HYCC2: variants seen among roughly 807,000 people sequenced by gnomAD.
The protein encoded by HYCC2 is hyccin PI4KA lipid kinase complex subunit 2.
chr2:201,003,370 C>T, the HYCC2 span, among the ~76,000 whole-genome samples: 4 of 152,104 alleles, frequency 2.6e-5, no homozygotes, highest in African/African-American at 9.7e-5. Flanking sequence ...CTTTAAAAAG[C>T]TGGGCTGGGA....
At chr2:201,052,441 CA>C in the HYCC2 span, among the ~76,000 whole-genome samples, 2 of 151,672 alleles carry the variant, frequency 1.3e-5, no homozygotes, top group African/African-American at 4.8e-5. Context: ...CTCGTCTCTG[CA>C]AAAAAAATTT....
chr2:201,043,318 G>T, the HYCC2 span, among the ~76,000 whole-genome samples: 1 of 151,380 alleles, frequency 6.6e-6, no homozygotes, highest in Non-Finnish European at 1.5e-5. Flanking sequence ...CTCTGCCTAG[G>T]AAAACCAGAG....
At chr2:200,997,590 C>T in the HYCC2 span, 1 of 1,173,650 alleles carries the variant, frequency 8.5e-7, no homozygotes, top group African/African-American at 1.5e-5. Context: ...ATTACTTCTA[C>T]TAGCAACTGG....
the HYCC2 span, among the ~76,000 whole-genome samples, chr2:201,012,439 G>A: frequency 1.3e-5 from 2 of 152,094 alleles, no homozygotes; most frequent in Non-Finnish European, 2.9e-5. Flanking sequence ...CAGCATGGGT[G>A]ACAGAGTGAC....
At chr2:201,038,274 AAC>A in the HYCC2 span, among the ~76,000 whole-genome samples, 1 of 152,164 alleles carries the variant, frequency 6.6e-6, no homozygotes, top group East Asian at 1.9e-4. Context: ...GAGAAATAGG[AAC>A]ACTTTTACAC....
the HYCC2 span, chr2:200,974,720 A>G: frequency 6.6e-6 from 1 of 152,014 alleles, no homozygotes; most frequent in Non-Finnish European, 1.5e-5. Context: ...TGGAACATCA[A>G]TATGCAAATA....
chr2:200,996,971 A>G, the HYCC2 span: 7,203 of 152,502 alleles, frequency 0.047, 548 homozygotes, highest in African/African-American at 0.16. Flanking sequence ...AACATTTTCA[A>G]GAATGCACGA....
At chr2:201,052,021 G>A in the HYCC2 span, among the ~76,000 whole-genome samples, 1 of 152,352 alleles carries the variant, frequency 6.6e-6, no homozygotes, top group African/African-American at 2.4e-5. Flanking sequence ...AAGAGGGCCC[G>A]ATGTGGTGGC....
chr2:201,039,833 C>A, the HYCC2 span, among the ~76,000 whole-genome samples: 2 of 152,090 alleles, frequency 1.3e-5, no homozygotes, highest in Admixed American at 1.3e-4. Context: ...ACAAGTCACA[C>A]CTCAATTTCT....
the HYCC2 span, among the ~76,000 whole-genome samples, chr2:200,998,965 A>G: frequency 6.6e-6 from 1 of 152,222 alleles, no homozygotes; most frequent in Non-Finnish European, 1.5e-5. Flanking sequence ...AGGTAAAAGA[A>G]TGGAGATTTA....
chr2:201,061,657 AAAATTTTT>A, the HYCC2 span, among the ~76,000 whole-genome samples: 1 of 151,498 alleles, frequency 6.6e-6, no homozygotes, highest in Non-Finnish European at 1.5e-5. Context: ...ATTGAATAAG[AAAATTTTT>A]AAATTTTTAA....
chr2:200,993,960 ACT>A, the HYCC2 span, among the ~76,000 whole-genome samples: 3 of 151,928 alleles, frequency 2.0e-5, no homozygotes, highest in Non-Finnish European at 2.9e-5. Flanking sequence ...ACAGAGTGAG[ACT>A]CTGTCTCAAA....
chr2:201,005,652 C>CCCT, the HYCC2 span, among the ~76,000 whole-genome samples: 1 of 152,046 alleles, frequency 6.6e-6, no homozygotes, highest in Admixed American at 6.6e-5. Context: ...TATAAATATA[C>CCCT]CCTACATCCT....
chr2:201,016,892 C>T, the HYCC2 span: 114 of 1,237,318 alleles, frequency 9.2e-5, no homozygotes, highest in African/African-American at 2.6e-4. Context: ...TGAGCCACTG[C>T]GCCTGGCCAA....
At chr2:201,013,479 CAAAAAA>C in the HYCC2 span, among the ~76,000 whole-genome samples, 1 of 66,320 alleles carries the variant, frequency 1.5e-5, no homozygotes, top group African/African-American at 4.9e-5. Flanking sequence ...CACTCCATTT[CAAAAAA>C]AAAAAAAAAA....
the HYCC2 span, among the ~76,000 whole-genome samples, chr2:201,018,998 T>C: frequency 5.3e-5 from 8 of 152,234 alleles, no homozygotes; most frequent in Admixed American, 1.3e-4. Flanking sequence ...GAGGTATAGA[T>C]TGTTTAATCA....
chr2:200,998,618 GAATA>G, the HYCC2 span, among the ~76,000 whole-genome samples: 1 of 152,206 alleles, frequency 6.6e-6, no homozygotes, highest in Non-Finnish European at 1.5e-5. Context: ...CTTGTTGAAT[GAATA>G]AATAAATGCT....
At chr2:201,045,547 A>G in the HYCC2 span, 1 of 398,286 alleles carries the variant, frequency 2.5e-6, no homozygotes, top group Non-Finnish European at 4.4e-6. Flanking sequence ...AATTCGGCAG[A>G]GTTCAAGTGG....
chr2:201,031,694 C>T, the HYCC2 span, among the ~76,000 whole-genome samples: 4 of 152,076 alleles, frequency 2.6e-5, no homozygotes, highest in African/African-American at 9.7e-5. Context: ...TTAGTTAAGG[C>T]TTGACTCTTC....
Sources: gnomAD v4.1 joint callset for allele counts (sites outside exome capture counted in the v4.1 genomes callset) on GRCh38, gnomAD v4.1.1 for gene constraint, MANE v1.5 for transcripts, NCBI Gene and HGNC (gene_info 2026-07-23, HGNC 2026-07-21) for gene names.